Variants in TBL1X observed in about 807,000 individuals in gnomAD.
TBL1X encodes transducin beta like 1 X-linked, also known as F-box-like/WD repeat-containing protein TBL1X.
In TBL1X, 10 loss-of-function variants were observed where a neutral mutation model predicts 50.7. That is an observed-to-expected ratio of 0.20 (90% CI 0.12 to 0.33). The LOEUF (loss-of-function observed/expected upper bound fraction) is 0.33, where lower values mean the gene tolerates loss of function less well. Ranked by LOEUF, TBL1X falls within the 10% of genes least tolerant of loss-of-function variation. The pLI is 1.00. For missense variants in TBL1X, 340 were observed against 504.4 expected (o/e 0.67, Z 3.12); for synonymous variants, 190 against 214.7 (o/e 0.88, Z 1.01).
chrX:9,601,273 G>A (rs761775803), intron 2 of TBL1X, among the ~76,000 whole-genome samples: 31 of 111,045 alleles, frequency 2.8e-4, no homozygotes, highest in Non-Finnish European at 5.3e-4. Flanking sequence ...GGCCCCATGT[G>A]GTTTCCATGG....
intron 5 of TBL1X, among the ~76,000 whole-genome samples, chrX:9,665,489 CTATATATATATATATATATA>C (rs56756151): frequency 0.22 from 4,318 of 19,827 alleles, 526 homozygotes; most frequent in Non-Finnish European, 0.29. Context: ...GATATTCAAG[CTATATATATATATATATATA>C]TATATATATA....
intron 5 of TBL1X, among the ~76,000 whole-genome samples, chrX:9,674,737 C>G (rs1381382139): frequency 1.1e-5 from 1 of 93,150 alleles, no homozygotes; most frequent in Admixed American, 1.3e-4. Flanking sequence ...GGCCACCACA[C>G]TCAACTAATT....
intron 2 of TBL1X, among the ~76,000 whole-genome samples, chrX:9,508,530 G>A (rs113524110): frequency 2.0e-4 from 22 of 112,252 alleles, no homozygotes; most frequent in African/African-American, 4.5e-4. Flanking sequence ...ACAGTATGGC[G>A]ATTCCTCAAG....
intron 2 of TBL1X, among the ~76,000 whole-genome samples, chrX:9,613,102 G>A (rs758349101): frequency 2.7e-5 from 3 of 111,031 alleles, no homozygotes; most frequent in Non-Finnish European, 5.7e-5. Flanking sequence ...AAGTTACACT[G>A]TTTCTAGGAG....
intron 1 of TBL1X, among the ~76,000 whole-genome samples, chrX:9,488,970 GC>G (rs926778544): frequency 9.0e-6 from 1 of 111,202 alleles, no homozygotes; most frequent in Non-Finnish European, 1.9e-5. Flanking sequence ...GCAGGTTTGA[GC>G]CACCATGCTT....
intron 2 of TBL1X, among the ~76,000 whole-genome samples, chrX:9,517,525 C>A (rs1044282360): frequency 8.9e-6 from 1 of 111,959 alleles, no homozygotes; most frequent in African/African-American, 3.2e-5. Flanking sequence ...TAGAAAGACT[C>A]TTTCCGTTTT....
chrX:9,583,517 T>G (rs1276561425), intron 2 of TBL1X, among the ~76,000 whole-genome samples: 1 of 111,511 alleles, frequency 9.0e-6, no homozygotes, highest in Non-Finnish European at 1.9e-5. Flanking sequence ...AGATTATGAT[T>G]TATTGAAAAA....
chrX:9,639,745 A>G (rs1452740520), intron 2 of TBL1X: 1 of 111,462 alleles, frequency 9.0e-6, no homozygotes, highest in Non-Finnish European at 1.9e-5. Context: ...AGCACAGTAC[A>G]TGAGGATGCA....
At chrX:9,700,366 G>T (rs2083161942) in intron 12 of TBL1X, among the ~76,000 whole-genome samples, 1 of 111,987 alleles carries the variant, frequency 8.9e-6, no homozygotes, top group Non-Finnish European at 1.9e-5. Context: ...GAATTCATCT[G>T]TAAAGTATTT....
intron 2 of TBL1X, among the ~76,000 whole-genome samples, chrX:9,504,441 G>C (rs2082016472): frequency 8.9e-6 from 1 of 112,154 alleles, no homozygotes; most frequent in South Asian, 3.7e-4. Context: ...GAACTGGACG[G>C]AGGATCAGAT....
chrX:9,673,792 G>C (rs913169451), intron 5 of TBL1X, among the ~76,000 whole-genome samples: 1 of 112,151 alleles, frequency 8.9e-6, no homozygotes, highest in Non-Finnish European at 1.9e-5. Flanking sequence ...GGCTAGGTGC[G>C]GTGGCTCACG....
Position 9,568,966 on chromosome X carries a change from A to ATCTGTGCAGTGTGC in TBL1X, c.-131+67125_-131+67138dup, listed in dbSNP as rs767520973. ...ACGGTGCACTGTGTGTGTTGTGTCTATCTGTGCAGTGTGCTCTGTGCGGTG... is the reference window on the plus strand; with the variant it reads ...ACGGTGCACTGTGTGTGTTGTGTCTATCTGTGCAGTGTGCTCTGTGCAGTGTGCTCTGTGCGGTG... On this transcript the variant is annotated intron_variant, in intron 2 of 17. Transcript: ENST00000645353. 6.8e-3 allele frequency among the ~76,000 whole-genome samples: 655 copies of ATCTGTGCAGTGTGC among 97,002 alleles called. 7 individuals carry two copies. Among genetic ancestry groups the ATCTGTGCAGTGTGC allele is most frequent in the African/African-American group, 0.025 (637 of 25,144 alleles). 84.2% of individuals were successfully genotyped at this position (97,002 alleles called of 115,157 possible). A position where few individuals can be genotyped will look rare whatever the true frequency, so the allele number is the denominator to read the frequency against.
rs996945331 is a variant in TBL1X at position 9,717,055 on chromosome X, G to A, written c.*809G>A. On this transcript the variant is annotated 3_prime_UTR_variant, in exon 18 of 18. Coordinates refer to ENST00000645353, the MANE Select transcript of TBL1X (RefSeq NM_005647.4). ...CTCTCCTCCCCTTGCGCTCGCGCTC[G>A]CGCTCGCTTTCTCACTGGCGTGCTC... is the stretch of plus-strand genomic sequence containing the variant. The A allele has an allele frequency of 6.4e-5, 7 of 108,912 alleles. No individual in the cohort carries two copies. Among genetic ancestry groups the A allele is most frequent in the African/African-American group, 1.7e-4 (5 of 29,790 alleles). The allele number at this position is 108,912 out of a possible 1,213,427, so 9.0% of individuals were successfully genotyped here.
chrX:9,583,245 C>T (rs1417601470), intron 2 of TBL1X, among the ~76,000 whole-genome samples: 2 of 112,445 alleles, frequency 1.8e-5, no homozygotes, highest in African/African-American at 3.2e-5. Flanking sequence ...GGCTGCATAA[C>T]GCCAATCTCT....
chrX:9,499,708 G>T (rs2081990390), intron 1 of TBL1X, among the ~76,000 whole-genome samples: 1 of 112,627 alleles, frequency 8.9e-6, no homozygotes, highest in South Asian at 3.6e-4. Context: ...AGGTGCAGTG[G>T]CTCATGCCTG....
chrX:9,540,941 C>T (rs913714421), intron 2 of TBL1X, among the ~76,000 whole-genome samples: 4 of 111,739 alleles, frequency 3.6e-5, no homozygotes, highest in Non-Finnish European at 7.5e-5. Context: ...ATTCATATTA[C>T]CCCAGTTTCC....
chrX:9,481,342 C>CT lies in TBL1X; in HGVS notation c.-201+15903dup, dbSNP rs199833370. Among the ~76,000 whole-genome samples the CT allele has an allele frequency of 9.7e-3, 1,085 of 111,608 alleles. 18 individuals carry two copies. Among genetic ancestry groups the CT allele is most frequent in the African/African-American group, 0.034 (1,047 of 30,739 alleles). On this transcript the variant is annotated intron_variant, in intron 1 of 17. Coordinates refer to ENST00000645353, the MANE Select transcript of TBL1X (RefSeq NM_005647.4). ...TTTTGTTTTTCAGAGTCCAGAAAAC[C>CT]TTTTTTTTCTTTTGAGCTATTTATA... is the stretch of plus-strand genomic sequence containing the variant.
At chrX:9,520,204 C>G (rs1425786641) in intron 2 of TBL1X, among the ~76,000 whole-genome samples, 2 of 112,158 alleles carry the variant, frequency 1.8e-5, no homozygotes, top group Non-Finnish European at 3.8e-5. Flanking sequence ...GCATGGAAAA[C>G]CCAAAGGAGG....
chrX:9,472,869 C>T (rs1907507876), intron 1 of TBL1X, among the ~76,000 whole-genome samples: 1 of 108,591 alleles, frequency 9.2e-6, no homozygotes. Flanking sequence ...GCCAAGATTG[C>T]GCCACTGCAC....
Sources: gnomAD v4.1 joint callset for allele counts (sites outside exome capture counted in the v4.1 genomes callset) on GRCh38, gnomAD v4.1.1 for gene constraint, MANE v1.5 for transcripts, NCBI Gene and HGNC (gene_info 2026-07-23, HGNC 2026-07-21) for gene names.